TCF12: variants seen among roughly 807,000 people sequenced by gnomAD.
TCF12 encodes DNA-binding protein HTF4.
A neutral mutation model predicts 86.0 loss-of-function variants in TCF12; 45 were observed. That is an observed-to-expected ratio of 0.52 (90% CI 0.41 to 0.67). The LOEUF (loss-of-function observed/expected upper bound fraction) is 0.67. Among genes scored for constraint, TCF12 ranks in the 30% least tolerant of loss-of-function variants. TCF12 has a pLI of 0.00. For missense variants in TCF12, 881 were observed against 859.9 expected (o/e 1.02, Z -0.31); for synonymous variants, 330 against 299.6 (o/e 1.10, Z -1.05).
At chr15:57,183,996 GACT>G (rs2056516824) in intron 6 of TCF12, among the ~76,000 whole-genome samples, 1 of 152,038 alleles carries the variant, frequency 6.6e-6, no homozygotes, top group Non-Finnish European at 1.5e-5. Flanking sequence ...CCCTTATTAT[GACT>G]ACTATTTGAT....
At chr15:57,051,203 A>G (rs1229046810) in intron 3 of TCF12, among the ~76,000 whole-genome samples, 1 of 152,126 alleles carries the variant, frequency 6.6e-6, no homozygotes, top group Non-Finnish European at 1.5e-5. Context: ...AGAAAGCCCA[A>G]ATTATTTACC....
intron 4 of TCF12, among the ~76,000 whole-genome samples, chr15:57,070,632 T>A (rs2069289910): frequency 6.6e-6 from 1 of 152,220 alleles, no homozygotes; most frequent in East Asian, 1.9e-4. Flanking sequence ...AACTTTAATT[T>A]TGTTTAGCGC....
intron 12 of TCF12, among the ~76,000 whole-genome samples, chr15:57,234,370 ATAGT>A (rs1414217348): frequency 2.0e-5 from 3 of 152,250 alleles, no homozygotes; most frequent in South Asian, 2.1e-4. Context: ...TTCTAAATAC[ATAGT>A]TAGTAAGTGG....
At chr15:57,032,910 A>G (rs1169430218) in intron 3 of TCF12, among the ~76,000 whole-genome samples, 1 of 152,252 alleles carries the variant, frequency 6.6e-6, no homozygotes, top group African/African-American at 2.4e-5. Flanking sequence ...TAAACCCTCC[A>G]TTATGAAAAT....
chr15:57,150,866 C>G (rs150820661), intron 5 of TCF12, among the ~76,000 whole-genome samples: 3 of 118,040 alleles, frequency 2.5e-5, no homozygotes, highest in African/African-American at 2.9e-5. Flanking sequence ...TGTCTCTCCC[C>G]CTCTGTCCCT....
At chr15:57,098,009 C>G (rs368566212) in intron 5 of TCF12, among the ~76,000 whole-genome samples, 2 of 48,410 alleles carry the variant, frequency 4.1e-5, no homozygotes, top group Non-Finnish European at 7.1e-5. Flanking sequence ...TACAAAAATA[C>G]AAAAAAAAAA....
intron 5 of TCF12, among the ~76,000 whole-genome samples, chr15:57,108,135 G>C (rs2050254386): frequency 6.6e-6 from 1 of 152,142 alleles, no homozygotes. Context: ...TCAACAACTT[G>C]AGAATATTCA....
chr15:57,104,773 G>A (rs1039783625), intron 5 of TCF12, among the ~76,000 whole-genome samples: 2 of 149,824 alleles, frequency 1.3e-5, no homozygotes, highest in Admixed American at 1.3e-4. Flanking sequence ...CTTGGTCTGA[G>A]TGATCTCCTT....
Position 57,253,403 on chromosome 15 carries a change from A to T in TCF12, c.1402A>T (p.Ile468Phe). 1 of 1,614,128 alleles carries T rather than the reference A, an allele frequency of 6.2e-7. No homozygotes were observed. Among genetic ancestry groups the T allele is most frequent in the Non-Finnish European group, 8.5e-7 (1 of 1,179,984 alleles). The change falls in exon 16 of 21, where the codon ATT (isoleucine) becomes TTT (phenylalanine). Residue 468 changes from isoleucine (I) to phenylalanine (F), a missense_variant. Around this residue, in one of 3 missense-constraint regions of TCF12, gnomAD observed 766 missense variants for 718.9 expected, o/e 1.07. Coordinates refer to ENST00000333725, the MANE Select transcript of TCF12 (RefSeq NM_207037.2). ...SLLGPSHNAP[I>F]GSLNSNYGGS... is the part of the protein sequence containing the mutation. ...ATTGGGACCATCCCATAATGCACCA[A>T]TTGGAAGCCTCAATTCAAACTATGG...
chr15:57,171,974 G>GT (rs1451005839), intron 6 of TCF12, among the ~76,000 whole-genome samples: 1 of 151,960 alleles, frequency 6.6e-6, no homozygotes, highest in Non-Finnish European at 1.5e-5. Context: ...CAGGGTCTTG[G>GT]TTTTTTTCAG....
intron 5 of TCF12, among the ~76,000 whole-genome samples, chr15:57,116,288 A>G (rs1382941358): frequency 2.6e-5 from 4 of 152,206 alleles, no homozygotes; most frequent in Non-Finnish European, 4.4e-5. Context: ...CTGACTTTCA[A>G]ATAAGATTAT....
chr15:57,034,058 T>C (rs188034320), intron 3 of TCF12, among the ~76,000 whole-genome samples: 148 of 152,326 alleles, frequency 9.7e-4, no homozygotes, highest in African/African-American at 3.5e-3. Context: ...TTTAAATCTT[T>C]GATCACCACA....
At chr15:57,103,663 C>A (rs1473173585) in intron 5 of TCF12, among the ~76,000 whole-genome samples, 1 of 152,126 alleles carries the variant, frequency 6.6e-6, no homozygotes, top group Non-Finnish European at 1.5e-5. Flanking sequence ...TTGCCCCACA[C>A]AGTATTTTAT....
chr15:57,207,779 A>T (rs1714525550), intron 8 of TCF12, among the ~76,000 whole-genome samples: 1 of 152,168 alleles, frequency 6.6e-6, no homozygotes, highest in African/African-American at 2.4e-5. Context: ...CATTATTTGA[A>T]ATCATGATTT....
intron 16 of TCF12, among the ~76,000 whole-genome samples, chr15:57,259,406 A>G (rs1431760731): frequency 1.3e-5 from 2 of 152,254 alleles, no homozygotes; most frequent in East Asian, 3.8e-4. Flanking sequence ...TTCAAAATCA[A>G]GAGGAATTCA....
intron 3 of TCF12, among the ~76,000 whole-genome samples, chr15:56,950,758 T>C (rs1309937954): frequency 1.0e-4 from 15 of 143,392 alleles, no homozygotes; most frequent in South Asian, 4.6e-4. Context: ...TTTTTTTTTT[T>C]TTTTTTTTTT....
intron 3 of TCF12, among the ~76,000 whole-genome samples, chr15:57,048,209 C>G (rs1247018479): frequency 6.6e-6 from 1 of 152,058 alleles, no homozygotes; most frequent in Non-Finnish European, 1.5e-5. Flanking sequence ...CAATCATAAG[C>G]CAGCACTCAT....
chr15:57,210,723 C>T (rs1181896149), intron 8 of TCF12, among the ~76,000 whole-genome samples: 1 of 152,296 alleles, frequency 6.6e-6, no homozygotes, highest in Middle Eastern at 3.4e-3. Flanking sequence ...AGTGTTATGG[C>T]AAGGAAGCGT....
chr15:57,252,420 GA>G lies in TCF12; in HGVS notation c.1193del (p.Asn398IlefsTer18). On this transcript the variant is annotated frameshift_variant and splice_region_variant, in exon 15 of 21. Transcript: ENST00000333725. LOFTEE classifies it high-confidence loss of function. ...CTCCTGTTCTGTCTTGACTTTGCCA[GA>G]AAAATCGAGTTGAGCAGCAACTTCA... ...PSYENSLHSL[K>X]NRVEQQLHEH... is the part of the protein sequence containing the mutation. The G allele has an allele frequency of 6.2e-7, 1 of 1,613,692 alleles. No homozygotes were observed. Among genetic ancestry groups the G allele is most frequent in the Non-Finnish European group, 8.5e-7 (1 of 1,179,746 alleles).
Sources: allele counts gnomAD v4.1 joint callset (sites outside exome capture counted in the v4.1 genomes callset), GRCh38; gene constraint gnomAD v4.1.1; regional missense constraint gnomAD v4.1.1; transcripts MANE v1.5; gene names NCBI Gene and HGNC (gene_info 2026-07-23, HGNC 2026-07-21).